The following AFF2 variants were observed in gnomAD, a reference collection of about 807,000 sequenced individuals.
The protein encoded by AFF2 is AF4/FMR2 family member 2.
AFF2 carries 14 observed loss-of-function variants against 76.9 expected under a neutral mutation model. That is an observed-to-expected ratio of 0.18 (90% CI 0.12 to 0.28). The LOEUF (loss-of-function observed/expected upper bound fraction) is 0.28. Among genes scored for constraint, AFF2 ranks in the 10% least tolerant of loss-of-function variants. The probability of loss-of-function intolerance (pLI) is 1.00; values close to 1 mark genes in which losing one functional copy is unlikely to be tolerated. For synonymous variants in AFF2, 398 were observed against 366.7 expected (o/e 1.09, Z -0.98); for missense variants, 868 against 1,001.1 (o/e 0.87, Z 1.79).
intron 1 of AFF2, among the ~76,000 whole-genome samples, chrX:148,567,373 A>G (rs970347975): frequency 1.6e-4 from 18 of 111,501 alleles, no homozygotes; most frequent in African/African-American, 5.5e-4. Flanking sequence ...GGAGAAGGGA[A>G]CATAGTAATA....
intron 3 of AFF2, among the ~76,000 whole-genome samples, chrX:148,694,901 C>T (rs1174009125): frequency 2.9e-5 from 3 of 104,200 alleles, no homozygotes; most frequent in East Asian, 6.0e-4. Flanking sequence ...CTGCAACCTC[C>T]GTCTCCCGGG....
At chrX:148,559,659 C>T (rs1411355226) in intron 1 of AFF2, among the ~76,000 whole-genome samples, 1 of 111,681 alleles carries the variant, frequency 9.0e-6, no homozygotes, top group Non-Finnish European at 1.9e-5. Flanking sequence ...GCCACATTTT[C>T]TTTATCCAGT....
chrX:148,837,209 A>G (rs782492220), intron 4 of AFF2, among the ~76,000 whole-genome samples: 1 of 111,935 alleles, frequency 8.9e-6, no homozygotes, highest in Admixed American at 9.5e-5. Context: ...AGAAAAGTTG[A>G]AGGTTCCCAA....
intron 9 of AFF2, among the ~76,000 whole-genome samples, chrX:148,912,964 C>G (rs973300239): frequency 8.0e-5 from 9 of 113,098 alleles, no homozygotes; most frequent in Non-Finnish European, 1.1e-4. Context: ...CTAACTGGCT[C>G]TCGCCAATTT....
chrX:148,606,604 G>A (rs1403126064), intron 1 of AFF2, among the ~76,000 whole-genome samples: 1 of 111,194 alleles, frequency 9.0e-6, no homozygotes, highest in Non-Finnish European at 1.9e-5. Context: ...TCCAAGCCTT[G>A]TAGATGCTAT....
At chrX:148,577,649 A>G (rs975990666) in intron 1 of AFF2, among the ~76,000 whole-genome samples, 2 of 111,899 alleles carry the variant, frequency 1.8e-5, no homozygotes, top group African/African-American at 3.2e-5. Flanking sequence ...GAAATGTGCC[A>G]TCTCATGGAA....
chrX:148,517,892 G>A (rs191479153), intron 1 of AFF2, among the ~76,000 whole-genome samples: 1,156 of 108,148 alleles, frequency 0.011, 11 homozygotes, highest in Admixed American at 0.018. Context: ...GCATGGTGGC[G>A]GGCGCCTGTA....
At chrX:148,773,685 G>GGAAAGAAAGAAGAAAGAAA (rs2069621440) in intron 3 of AFF2, among the ~76,000 whole-genome samples, 1 of 51,442 alleles carries the variant, frequency 1.9e-5, no homozygotes, top group Non-Finnish European at 3.3e-5. Context: ...AAGGAAGGAA[G>GGAAAGAAAGAAGAAAGAAA]GAAAGAAAGA....
At chrX:148,549,987 A>G (rs781898073) in intron 1 of AFF2, among the ~76,000 whole-genome samples, 1 of 112,279 alleles carries the variant, frequency 8.9e-6, no homozygotes, top group East Asian at 2.8e-4. Flanking sequence ...TCTTTTAGCT[A>G]GAAATATTGA....
chrX:148,731,984 A>G (rs2055225486), intron 3 of AFF2, among the ~76,000 whole-genome samples: 1 of 39,126 alleles, frequency 2.6e-5, no homozygotes, highest in South Asian at 1.4e-3. Flanking sequence ...TGGGACTGTA[A>G]ACTAGTTCAA....
intron 7 of AFF2, among the ~76,000 whole-genome samples, chrX:148,851,480 T>C (rs1557275324): frequency 1.8e-5 from 2 of 111,990 alleles, no homozygotes; most frequent in Non-Finnish European, 3.8e-5. Flanking sequence ...TGCTACCCTG[T>C]GGTTTTTTGA....
At chrX:148,908,016 T>C (rs782162910) in intron 9 of AFF2, among the ~76,000 whole-genome samples, 1 of 111,632 alleles carries the variant, frequency 9.0e-6, no homozygotes, top group East Asian at 2.8e-4. Context: ...TTTCTCCCAT[T>C]TGCTTTTGAA....
At chrX:148,851,040 G>A (rs980029951) in intron 7 of AFF2, among the ~76,000 whole-genome samples, 5 of 112,406 alleles carry the variant, frequency 4.4e-5, no homozygotes, top group Non-Finnish European at 9.4e-5. Flanking sequence ...TGGAGTAGAA[G>A]AGAAGAAATA....
At chrX:148,672,841 C>T (rs186542174) in intron 3 of AFF2, among the ~76,000 whole-genome samples, 175 of 111,241 alleles carry the variant, frequency 1.6e-3, no homozygotes, top group African/African-American at 4.9e-3. Flanking sequence ...ATCAGAAATC[C>T]TCAGACAACA....
intron 1 of AFF2, among the ~76,000 whole-genome samples, chrX:148,592,930 T>C (rs975425836): frequency 1.8e-5 from 2 of 112,461 alleles, no homozygotes; most frequent in Non-Finnish European, 3.8e-5. Flanking sequence ...TTTTCTCTCT[T>C]TTCTTTCTTA....
chrX:148,640,884 G>A (rs3790345), intron 1 of AFF2, among the ~76,000 whole-genome samples: 1,627 of 110,730 alleles, frequency 0.015, 65 homozygotes, highest in Admixed American at 0.12. Context: ...CATGTTTGTC[G>A]CATGGGTTCA....
At chrX:148,587,018 C>T (rs1303783927) in intron 1 of AFF2, among the ~76,000 whole-genome samples, 1 of 111,517 alleles carries the variant, frequency 9.0e-6, no homozygotes, top group Non-Finnish European at 1.9e-5. Context: ...AGGTGCTAGA[C>T]CCAATTCTGA....
chrX:148,501,008 G>A lies in AFF2; in HGVS notation c.-90G>A. On this transcript the variant is annotated 5_prime_UTR_variant, in exon 1 of 21. Transcript: ENST00000370460. Reference sequence around the variant, plus strand: ...CGGGAGGGCTGGAGAGCCGGGGGCCGCCGAGAACCGCCAGCGAGCTGTGCC... The same window carrying A: ...CGGGAGGGCTGGAGAGCCGGGGGCCACCGAGAACCGCCAGCGAGCTGTGCC... The A allele has an allele frequency of 9.2e-7, 1 of 1,088,623 alleles. No homozygotes were observed. The allele number at this position is 1,088,623 out of a possible 1,213,427, so 89.7% of individuals were successfully genotyped here. A position where few individuals can be genotyped will look rare whatever the true frequency, so the allele number is the denominator to read the frequency against.
At chrX:148,701,964 G>A (rs1557261916) in intron 3 of AFF2, among the ~76,000 whole-genome samples, 1 of 112,060 alleles carries the variant, frequency 8.9e-6, no homozygotes, top group African/African-American at 3.2e-5. Context: ...TATTTGCTGT[G>A]CATTGAAAAA....
Sources: allele counts gnomAD v4.1 joint callset (sites outside exome capture counted in the v4.1 genomes callset), GRCh38; gene constraint gnomAD v4.1.1; transcripts MANE v1.5; gene names NCBI Gene and HGNC (gene_info 2026-07-23, HGNC 2026-07-21).